PTPRJ: variants seen among roughly 807,000 people sequenced by gnomAD.
PTPRJ encodes protein tyrosine phosphatase receptor type J, also known as receptor-type tyrosine-protein phosphatase eta.
PTPRJ carries 129 observed loss-of-function variants against 141.3 expected under a neutral mutation model. The ratio of observed to expected loss-of-function variants is 0.91; its 90% CI spans 0.79 to 1.06. PTPRJ has a LOEUF of 1.06. Among genes scored for constraint, PTPRJ ranks in the 50% least tolerant of loss-of-function variants. PTPRJ has a pLI of 0.00. For synonymous variants in PTPRJ, 610 were observed against 640.5 expected (o/e 0.95, Z 0.72); for missense variants, 1,601 against 1,679.7 (o/e 0.95, Z 0.82).
chr11:48,159,072 TGTGTGTGC>T (rs1857684980), intron 21 of PTPRJ, among the ~76,000 whole-genome samples: 1 of 105,846 alleles, frequency 9.4e-6, no homozygotes. Context: ...GAATACTGAG[TGTGTGTGC>T]GTGTGTGTGT....
At chr11:48,030,163 G>C (rs774006561) in intron 1 of PTPRJ, among the ~76,000 whole-genome samples, 1 of 152,218 alleles carries the variant, frequency 6.6e-6, no homozygotes, top group Non-Finnish European at 1.5e-5. Context: ...TTGGGATTAA[G>C]AAGTGGGGGC....
chr11:48,125,793 A>G (rs1410570547), intron 6 of PTPRJ, among the ~76,000 whole-genome samples: 1 of 152,224 alleles, frequency 6.6e-6, no homozygotes, highest in Non-Finnish European at 1.5e-5. Flanking sequence ...TTGGCAAGAC[A>G]TTGGTGAGAA....
chr11:48,093,170 T>C (rs933727432), intron 1 of PTPRJ, among the ~76,000 whole-genome samples: 1 of 152,252 alleles, frequency 6.6e-6, no homozygotes, highest in African/African-American at 2.4e-5. Context: ...ATCATGTATG[T>C]GATTGCTCTG....
rs543339468 is a variant in PTPRJ, at chr11:47,996,718, G to A, written c.96+15710G>A. Among the ~76,000 whole-genome samples, 45 of 152,324 alleles carry A rather than the reference G, an allele frequency of 3.0e-4. No individual in the cohort carries two copies. The South Asian group carries it at 8.3e-3, about 28-fold the overall frequency. ...CTGGCCAGTGTTGCCATGCACCCAG[G>A]GTGCAGGGAGACCTGTCTTGCAGGT... On this transcript the variant is annotated intron_variant, in intron 1 of 24. Transcript: ENST00000418331.
rs145043503 is a variant in PTPRJ at position 48,006,287 on chromosome 11, G to GGA, written c.96+25295_96+25296dup. On this transcript the variant is annotated intron_variant, in intron 1 of 24. Transcript: ENST00000418331. ...CAAGGGTGATTCGGGAGGAAGAGTG[G>GGA]GAGAGAGAGAGAGAGAGGGAGAGGA... 1.1e-3 allele frequency among the ~76,000 whole-genome samples: 172 copies of GGA among 151,014 alleles called. 3 individuals are homozygous for GGA. Among genetic ancestry groups the GGA allele is most frequent in the Non-Finnish European group, 4.4e-4 (30 of 67,556 alleles).
At chr11:48,106,298 G>C (rs374586922) in intron 1 of PTPRJ, among the ~76,000 whole-genome samples, 1 of 152,170 alleles carries the variant, frequency 6.6e-6, no homozygotes, top group East Asian at 1.9e-4. Flanking sequence ...ATACAACCCT[G>C]TTCTGGTACT....
intron 21 of PTPRJ, 146 bp from the exon 22 acceptor site, chr11:48,159,784 A>T (rs1857717737): frequency 5.1e-6 from 5 of 980,348 alleles, no homozygotes; most frequent in Admixed American, 2.4e-5. Context: ...TAAAATAAAA[A>T]AATTCGAAGG....
intron 16 of PTPRJ, 134 bp from the exon 17 acceptor site, chr11:48,149,855 TA>T: frequency 3.1e-6 from 2 of 642,706 alleles, no homozygotes; most frequent in Non-Finnish European, 5.4e-6. Flanking sequence ...GTTTTGTGAA[TA>T]ATAGTACTCT....
At chr11:48,019,048 A>T (rs1220350027) in intron 1 of PTPRJ, among the ~76,000 whole-genome samples, 2 of 151,658 alleles carry the variant, frequency 1.3e-5, no homozygotes, top group South Asian at 2.1e-4. Context: ...GGGGATGGAG[A>T]ACCCCTCTCA....
intron 1 of PTPRJ, among the ~76,000 whole-genome samples, chr11:48,061,197 A>G (rs1802749158): frequency 6.6e-6 from 1 of 152,114 alleles, no homozygotes; most frequent in Admixed American, 6.6e-5. Flanking sequence ...TCTGATCTCG[A>G]ACTCCTGACC....
At chr11:48,085,802 C>A (rs1855689048) in intron 1 of PTPRJ, among the ~76,000 whole-genome samples, 1 of 152,200 alleles carries the variant, frequency 6.6e-6, no homozygotes, top group Non-Finnish European at 1.5e-5. Context: ...ATCCTATAGG[C>A]TTCTTTTCTA....
intron 22 of PTPRJ, 112 bp downstream of exon 22, chr11:48,160,161 G>A: frequency 7.0e-7 from 1 of 1,436,112 alleles, no homozygotes; most frequent in African/African-American, 1.4e-5. Flanking sequence ...AGTGAGAAAT[G>A]TTTTGCTGCT....
At chr11:48,061,648 C>T (rs1854926845) in intron 1 of PTPRJ, among the ~76,000 whole-genome samples, 1 of 152,192 alleles carries the variant, frequency 6.6e-6, no homozygotes, top group Non-Finnish European at 1.5e-5. Context: ...CTCTCACCAC[C>T]TCTCTGTTAT....
chr11:48,151,578 A>G (rs1171630169), intron 18 of PTPRJ, among the ~76,000 whole-genome samples: 1 of 149,102 alleles, frequency 6.7e-6, no homozygotes, highest in Non-Finnish European at 1.5e-5. Flanking sequence ...TACATTAGGT[A>G]TATCTCCTAA....
intron 1 of PTPRJ, among the ~76,000 whole-genome samples, chr11:48,004,918 A>G (rs1854584438): frequency 6.6e-6 from 1 of 152,164 alleles, no homozygotes; most frequent in Non-Finnish European, 1.5e-5. Context: ...AAATTCATCC[A>G]TTTAGAAAGT....
Position 48,142,861 on chromosome 11 carries a change from A to G in PTPRJ, c.2444-58A>G. 1.9e-6 allele frequency: 3 copies of G among 1,551,986 alleles called. No homozygotes were observed. The South Asian group carries it at 3.6e-5, about 19-fold the overall frequency. ...GGTTGCTGAAGCATGTTCTCTACCT[A>G]ATGTGTTGCTTTGGTTTTCAATATT... On this transcript the variant is annotated intron_variant, in intron 11 of 24. Coordinates refer to ENST00000418331, the MANE Select transcript of PTPRJ (RefSeq NM_002843.4).
intron 1 of PTPRJ, among the ~76,000 whole-genome samples, chr11:48,029,313 A>G (rs1853916920): frequency 6.6e-6 from 1 of 152,212 alleles, no homozygotes; most frequent in African/African-American, 2.4e-5. Context: ...AATAACTATG[A>G]TTTTGCTAGA....
rs1857942713 is a variant in PTPRJ, at chr11:48,167,422, T to G, written c.*60T>G. On this transcript the variant is annotated 3_prime_UTR_variant, in exon 25 of 25. Coordinates refer to ENST00000418331, the MANE Select transcript of PTPRJ (RefSeq NM_002843.4). ...CCGTCGCACCCACAGCGAAGGCACA[T>G]GCCCCGATGTCGACATGTTTTTATA... 6.5e-7 allele frequency: 1 copy of G among 1,527,756 alleles called. No individual in the cohort carries two copies. The highest frequency in any genetic ancestry group is 9.0e-7 in the Non-Finnish European group (1 of 1,117,292). The allele number at this position is 1,527,756 out of a possible 1,614,324, so 94.6% of individuals were successfully genotyped here. A position where few individuals can be genotyped will look rare whatever the true frequency, so the allele number is the denominator to read the frequency against.
At chr11:48,151,736 T>C (rs1021123260) in intron 18 of PTPRJ, among the ~76,000 whole-genome samples, 2 of 152,060 alleles carry the variant, frequency 1.3e-5, no homozygotes, top group African/African-American at 4.8e-5. Context: ...CTGAGAATGA[T>C]GGTTTCCAGC....
Sources: gnomAD v4.1 joint callset for allele counts (sites outside exome capture counted in the v4.1 genomes callset) on GRCh38, gnomAD v4.1.1 for gene constraint, MANE v1.5 for transcripts, NCBI Gene and HGNC (gene_info 2026-07-23, HGNC 2026-07-21) for gene names.